PRSS54: variants seen among roughly 807,000 people sequenced by gnomAD.
PRSS54 encodes serine protease 54.
Under a neutral mutation model 19.9 loss-of-function variants are expected in PRSS54, and 16 were observed. That is an observed-to-expected ratio of 0.80 (90% CI 0.54 to 1.22). The LOEUF (loss-of-function observed/expected upper bound fraction) is 1.22, where lower values mean the gene tolerates loss of function less well. Among genes scored for constraint, PRSS54 ranks in the 50% most tolerant of loss-of-function variants. The probability of loss-of-function intolerance (pLI) is 0.00; values close to 1 mark genes in which losing one functional copy is unlikely to be tolerated. For missense variants in PRSS54, 444 were observed against 494.8 expected (o/e 0.90, Z 0.97); for synonymous variants, 177 against 195.8 (o/e 0.90, Z 0.80).
chr16:58,284,493 C>A, intron 6 of PRSS54, 97 bp downstream of exon 6: 1 of 1,448,886 alleles, frequency 6.9e-7, no homozygotes, highest in South Asian at 1.2e-5. Context: ...CCTGCCCTCA[C>A]AGAGCTCCCC....
intron 5 of PRSS54, among the ~76,000 whole-genome samples, 196 bp downstream of exon 5, chr16:58,285,741 A>G (rs796601609): frequency 3.6e-5 from 5 of 140,304 alleles, no homozygotes; most frequent in African/African-American, 5.6e-5. Context: ...AAAAAAAAAA[A>G]AAAAAGAAGA....
chr16:58,291,115 G>A lies in PRSS54; in HGVS notation c.107C>T (p.Ser36Phe). The change falls in exon 4 of 7, where the codon TCC becomes TTC. Residue 36 changes from serine (S) to phenylalanine (F), a missense_variant. Ser to Phe is a radical substitution (Grantham distance 155, BLOSUM62 -2). Coordinates refer to ENST00000567164, the MANE Select transcript of PRSS54 (RefSeq NM_001305173.2). ...CTTGGGGTCAGGACCGTAGAAAACGGAAGCTTTCTGGACGCCACAACCTGC... is the reference window on the plus strand; with the variant it reads ...CTTGGGGTCAGGACCGTAGAAAACGAAAGCTTTCTGGACGCCACAACCTGC... Reference protein sequence around the residue: ...SSTSCGVQKASVFYGPDPKEG... With the variant: ...SSTSCGVQKAFVFYGPDPKEG... 1 of 1,614,070 alleles carries A rather than the reference G, an allele frequency of 6.2e-7. No homozygotes were observed. The highest frequency in any genetic ancestry group is 1.3e-5 in the African/African-American group (1 of 75,064).
chr16:58,284,430 G>A (rs1280923922), intron 6 of PRSS54, 160 bp downstream of exon 6: 18 of 681,764 alleles, frequency 2.6e-5, no homozygotes, highest in East Asian at 1.6e-4. Context: ...TTTATTGAGC[G>A]CATACTGTCT....
chr16:58,284,511 G>C, intron 6 of PRSS54, 79 bp downstream of exon 6: 3 of 1,538,224 alleles, frequency 2.0e-6, no homozygotes, highest in Middle Eastern at 4.4e-4. Flanking sequence ...CCCATCTAGG[G>C]AAGGGGAGTC....
chr16:58,280,088 G>T lies in PRSS54; in HGVS notation c.*136C>A. The T allele has an allele frequency of 1.2e-6, 1 of 860,580 alleles. No individual in the cohort carries two copies. Among genetic ancestry groups the T allele is most frequent in the Non-Finnish European group, 1.8e-6 (1 of 555,052 alleles). 53.3% of individuals were successfully genotyped at this position (860,580 alleles called of 1,614,324 possible). ...GAGAGGGATAGAGGAGGGAGAGCCA[G>T]CCCAGTGTATGCCATGGGCTTATCC... On this transcript the variant is annotated 3_prime_UTR_variant, in exon 7 of 7. Transcript: ENST00000567164.
intron 3 of PRSS54, among the ~76,000 whole-genome samples, chr16:58,291,575 G>A (rs1043459036): frequency 3.3e-5 from 5 of 151,962 alleles, no homozygotes; most frequent in African/African-American, 7.3e-5. Flanking sequence ...TCAACCTCCC[G>A]GGTTCAAGCA....
chr16:58,279,997 T>C lies in PRSS54; in HGVS notation c.*227A>G. On this transcript the variant is annotated 3_prime_UTR_variant, in exon 7 of 7. Coordinates refer to ENST00000567164, the MANE Select transcript of PRSS54 (RefSeq NM_001305173.2). The stretch of plus-strand genomic sequence containing the variant: ...CTGAAAGAACCACAGGGCACTCTAA[T>C]GGTTTGACACTTGTTAGCCAGCATT... 1 of 622,678 alleles carries C rather than the reference T, an allele frequency of 1.6e-6. No homozygotes were observed. The highest frequency in any genetic ancestry group is 2.1e-5 in the South Asian group (1 of 47,622). The allele number at this position is 622,678 out of a possible 1,614,324, so 38.6% of individuals were successfully genotyped here. A position where few individuals can be genotyped will look rare whatever the true frequency, so the allele number is the denominator to read the frequency against.
chr16:58,290,334 A>C (rs898754038), intron 4 of PRSS54, among the ~76,000 whole-genome samples: 2 of 152,068 alleles, frequency 1.3e-5, no homozygotes, highest in Non-Finnish European at 2.9e-5. Flanking sequence ...CTTAATGTTG[A>C]TTCCCAAAAA....
chr16:58,293,129 T>C (rs1444041543), intron 3 of PRSS54, among the ~76,000 whole-genome samples: 1 of 152,042 alleles, frequency 6.6e-6, no homozygotes, highest in East Asian at 1.9e-4. Context: ...GTGTGTGGAC[T>C]TTCTCATGTC....
At chr16:58,293,174 G>A (rs1323377391) in intron 3 of PRSS54, among the ~76,000 whole-genome samples, 1 of 152,120 alleles carries the variant, frequency 6.6e-6, no homozygotes, top group Non-Finnish European at 1.5e-5. Flanking sequence ...GGCAGGGCGG[G>A]CTGGGACGGC....
Position 58,284,712 on chromosome 16 carries a change from G to C in PRSS54, c.532C>G (p.His178Asp). The change falls in exon 6 of 7, where the codon CAC becomes GAC. Residue 178 changes from histidine (H) to aspartate (D), a missense_variant. By Grantham distance (81) the His-to-Asp change is moderately conservative (BLOSUM62 -1). Transcript: ENST00000567164. ...GWNPTSATGN[H>D]MTMSVLRKIF... Reference sequence around the variant, plus strand: ...TTCCTCAGGACACTCATCGTCATGTGATTTCCTGTCTGGACCATGCAACAG... The same window carrying C: ...TTCCTCAGGACACTCATCGTCATGTCATTTCCTGTCTGGACCATGCAACAG... The C allele has an allele frequency of 1.2e-6, 2 of 1,613,958 alleles. No individual in the cohort carries two copies. Among genetic ancestry groups the C allele is most frequent in the Non-Finnish European group, 8.5e-7 (1 of 1,179,898 alleles).
At chr16:58,288,939 C>T (rs1042463338) in intron 4 of PRSS54, among the ~76,000 whole-genome samples, 31 of 152,068 alleles carry the variant, frequency 2.0e-4, no homozygotes, top group African/African-American at 6.8e-4. Flanking sequence ...GTCGGGAGTG[C>T]GTTATGAACT....
intron 6 of PRSS54, 149 bp downstream of exon 6, chr16:58,284,441 G>T: frequency 1.3e-6 from 1 of 775,618 alleles, no homozygotes; most frequent in Non-Finnish European, 2.1e-6. Flanking sequence ...CATACTGTCT[G>T]CCAAGTGCTA....
rs145185306 is a variant in PRSS54 at position 58,286,162 on chromosome 16, G to T, written c.297C>A (p.Asn99Lys). 212 of 1,614,156 alleles carry T rather than the reference G, an allele frequency of 1.3e-4. No individual in the cohort carries two copies. In the African/African-American group the frequency reaches 2.5e-3, roughly 19 times the overall value. The change falls in exon 5 of 7, where the codon AAC (asparagine) becomes AAA (lysine). Residue 99 changes from asparagine to lysine, a missense_variant. Physicochemically the swap from Asn to Lys is moderately conservative, Grantham distance 94. Coordinates refer to ENST00000567164, the MANE Select transcript of PRSS54 (RefSeq NM_001305173.2). ...KDIVVIVGIS[N>K]MDPSKIAHTE... ...TGTGAGCAATCTTGCTAGGATCCATGTTACTTATACCCACTATAACGACAA... is the reference window on the plus strand; with the variant it reads ...TGTGAGCAATCTTGCTAGGATCCATTTTACTTATACCCACTATAACGACAA...
chr16:58,283,808 T>A (rs1297828591), intron 6 of PRSS54: 4 of 152,204 alleles, frequency 2.6e-5, no homozygotes, highest in African/African-American at 9.6e-5. Flanking sequence ...GTCCTTCATG[T>A]TTTGCAATAA....
At position 58,291,088 on chromosome 16, in the gene PRSS54, T is replaced by A; in HGVS notation, c.134A>T (p.Glu45Val). The A allele has an allele frequency of 6.2e-7, 1 of 1,614,134 alleles. No individual in the cohort carries two copies. The highest frequency in any genetic ancestry group is 1.1e-5 in the South Asian group (1 of 91,082). ...GAACTCCATGCTGCTGACCAAGCCC[T>A]CCTTGGGGTCAGGACCGTAGAAAAC... ...ASVFYGPDPK[E>V]GLVSSMEFPW... Residue 45 changes from glutamate to valine, a missense_variant, in exon 4 of 7, where the codon GAG becomes GTG. Coordinates refer to ENST00000567164, the MANE Select transcript of PRSS54 (RefSeq NM_001305173.2).
chr16:58,292,580 A>G (rs1965059557), intron 3 of PRSS54, among the ~76,000 whole-genome samples: 2 of 152,188 alleles, frequency 1.3e-5, no homozygotes, highest in Non-Finnish European at 2.9e-5. Context: ...ATGACCAGAC[A>G]TCTCCATTAA....
chr16:58,283,925 C>T (rs1416014377), intron 6 of PRSS54: 2 of 152,100 alleles, frequency 1.3e-5, no homozygotes, highest in African/African-American at 2.4e-5. Flanking sequence ...ATCAGGTGTC[C>T]TGAAGGTTAT....
chr16:58,280,753 TC>T lies in PRSS54; in HGVS notation c.658del (p.Asp220ThrfsTer6). 3 of 1,599,602 alleles carry T rather than the reference TC, an allele frequency of 1.9e-6. No homozygotes were observed. The highest frequency in any genetic ancestry group is 2.6e-6 in the Non-Finnish European group (3 of 1,169,924). On this transcript the variant is annotated frameshift_variant, in exon 7 of 7. Coordinates refer to ENST00000567164, the MANE Select transcript of PRSS54 (RefSeq NM_001305173.2). LOFTEE classifies it low-confidence loss of function (END_TRUNC). Reference sequence around the variant, plus strand: ...CTGGCACATCATTGGGCTTCCTGGGTCCCCCTGTGATAAAAGACAGAAGGCT... The same window carrying T: ...CTGGCACATCATTGGGCTTCCTGGGTCCCCTGTGATAAAAGACAGAAGGCT... ...KEETKTACLG[D>X]PGSPMMCQLQ...
Sources: allele counts gnomAD v4.1 joint callset (sites outside exome capture counted in the v4.1 genomes callset), GRCh38; gene constraint gnomAD v4.1.1; transcripts MANE v1.5; gene names NCBI Gene and HGNC (gene_info 2026-07-23, HGNC 2026-07-21).